Variants in LRP2 observed in about 807,000 individuals in gnomAD.
LRP2 encodes low-density lipoprotein receptor-related protein 2.
Under a neutral mutation model 531.0 loss-of-function variants are expected in LRP2, and 172 were observed. That is an observed-to-expected ratio of 0.32 (90% CI 0.29 to 0.37). The LOEUF is 0.37. Among genes scored for constraint, LRP2 ranks in the 10% least tolerant of loss-of-function variants. The probability of loss-of-function intolerance (pLI) is 1.00; values close to 1 mark genes in which losing one functional copy is unlikely to be tolerated. For missense variants in LRP2, 5,167 were observed against 5,868.3 expected (o/e 0.88, Z 3.90); for synonymous variants, 1,992 against 2,027.6 (o/e 0.98, Z 0.47).
At chr2:169,166,141 G>A (rs1686774867) in intron 61 of LRP2, 87 bp from the exon 62 acceptor site, 1 of 1,430,600 alleles carries the variant, frequency 7.0e-7, no homozygotes, top group Admixed American at 1.7e-5. Flanking sequence ...TCAGCACCAG[G>A]CTTGCTTCAT....
At chr2:169,300,132 A>G (rs1356364702) in intron 4 of LRP2, among the ~76,000 whole-genome samples, 2 of 152,174 alleles carry the variant, frequency 1.3e-5, no homozygotes, top group East Asian at 3.8e-4. Flanking sequence ...CCATACAAAA[A>G]TAATTATTGC....
At chr2:169,229,655 T>C (rs1196100159) in intron 31 of LRP2, among the ~76,000 whole-genome samples, 1 of 152,232 alleles carries the variant, frequency 6.6e-6, no homozygotes, top group African/African-American at 2.4e-5. Context: ...GCACTCATTA[T>C]AACATAAAAT....
Position 169,240,958 on chromosome 2 carries a change from T to C in LRP2, c.4045+30A>G, listed in dbSNP as rs778237253. 8.7e-6 allele frequency: 14 copies of C among 1,606,798 alleles called. No homozygotes were observed. In the East Asian group the frequency reaches 2.2e-4, roughly 26 times the overall value. ...CAGGCTACTGTTCAGAATGAGTTTATGGCCAGTAAACTGTGGTCAGGAAAC... is the reference window on the plus strand; with the variant it reads ...CAGGCTACTGTTCAGAATGAGTTTACGGCCAGTAAACTGTGGTCAGGAAAC... On this transcript the variant is annotated intron_variant, in intron 25 of 78. Coordinates refer to ENST00000649046, the MANE Select transcript of LRP2 (RefSeq NM_004525.3).
At chr2:169,300,783 T>C (rs2105482054) in intron 4 of LRP2, among the ~76,000 whole-genome samples, 1 of 152,200 alleles carries the variant, frequency 6.6e-6, no homozygotes, top group East Asian at 1.9e-4. Flanking sequence ...CTGCTTCTTC[T>C]TTCTGGCTTC....
In LRP2 at chr2:169,150,901, A is replaced by T. The variant is rs1213467764; in HGVS notation, c.12587T>A (p.Leu4196Gln). The change falls in exon 68 of 79, where the codon CTA becomes CAA. Residue 4196 changes from leucine (L) to glutamine (Q), a missense_variant. By Grantham distance (113) the Leu-to-Gln change is moderately radical (BLOSUM62 -2). This residue lies in a region of LRP2 where 564 missense variants were observed against 747.7 expected (regional missense o/e 0.75). Transcript: ENST00000649046. ...QPAAIAVNPK[L>Q]GLMFWTDWGK... ...GAAGACTTCTCCAAGTACTTACCCTAGTTTGGGATTCACAGCAATAGCAGC... is the reference window on the plus strand; with the variant it reads ...GAAGACTTCTCCAAGTACTTACCCTTGTTTGGGATTCACAGCAATAGCAGC... The T allele has an allele frequency of 1.9e-6, 3 of 1,614,056 alleles. No homozygotes were observed. The highest frequency in any genetic ancestry group is 2.5e-6 in the Non-Finnish European group (3 of 1,179,920).
At chr2:169,200,183 A>G (rs549773056) in intron 44 of LRP2, among the ~76,000 whole-genome samples, 22 of 152,326 alleles carry the variant, frequency 1.4e-4, no homozygotes, top group South Asian at 6.2e-4. Context: ...CCCGGGAGGC[A>G]GAGCTTGCAG....
intron 8 of LRP2, 124 bp from the exon 9 acceptor site, chr2:169,289,269 G>C: frequency 7.9e-7 from 1 of 1,270,934 alleles, no homozygotes; most frequent in East Asian, 2.3e-5. Context: ...AGAAAAATCT[G>C]TCACCCTTCA....
At chr2:169,211,829 G>C in intron 37 of LRP2, 139 bp downstream of exon 37, 1 of 1,188,860 alleles carries the variant, frequency 8.4e-7, no homozygotes. Flanking sequence ...AACACTTTAG[G>C]CTGTGCCAGT....
intron 34 of LRP2, among the ~76,000 whole-genome samples, chr2:169,217,301 A>G (rs1166626090): frequency 6.6e-6 from 1 of 152,108 alleles, no homozygotes; most frequent in Non-Finnish European, 1.5e-5. Flanking sequence ...TTCCACCACC[A>G]AATCAATATA....
intron 33 of LRP2, among the ~76,000 whole-genome samples, chr2:169,222,139 C>T (rs1689040724): frequency 6.6e-6 from 1 of 152,150 alleles, no homozygotes; most frequent in African/African-American, 2.4e-5. Flanking sequence ...ACCTGGAAGA[C>T]TTACTTACAA....
Position 169,292,276 on chromosome 2 carries a change from T to C in LRP2, c.746A>G (p.Asp249Gly). 1 of 1,613,400 alleles carries C rather than the reference T, an allele frequency of 6.2e-7. No homozygotes were observed. Among genetic ancestry groups the C allele is most frequent in the Non-Finnish European group, 8.5e-7 (1 of 1,179,310 alleles). ...WVCDGEDDCK[D>G]NGDEDGCESG... Reference sequence around the variant, plus strand: ...ACCACATCCATCTTCATCTCCATTATCTTTACAGTCATCTTCTCCATCACA... The same window carrying C: ...ACCACATCCATCTTCATCTCCATTACCTTTACAGTCATCTTCTCCATCACA... The change falls in exon 7 of 79, where the codon GAT becomes GGT. Residue 249 changes from aspartate to glycine, a missense_variant. Asp to Gly is a moderately conservative substitution (Grantham distance 94, BLOSUM62 -1). Coordinates refer to ENST00000649046, the MANE Select transcript of LRP2 (RefSeq NM_004525.3).
At chr2:169,189,432 A>G (rs1280846116) in intron 48 of LRP2, among the ~76,000 whole-genome samples, 3 of 152,186 alleles carry the variant, frequency 2.0e-5, no homozygotes, top group East Asian at 3.8e-4. Context: ...TATTTAACTC[A>G]TTTCCAAATG....
At position 169,307,196 on chromosome 2, in the gene LRP2, C is replaced by A; in HGVS notation, c.427+85G>T. The A allele has an allele frequency of 3.3e-6, 3 of 903,824 alleles. No individual in the cohort carries two copies. In the Admixed American group the frequency reaches 5.1e-5, roughly 15 times the overall value. The allele number at this position is 903,824 out of a possible 1,614,324, so 56.0% of individuals were successfully genotyped here. A position where few individuals can be genotyped will look rare whatever the true frequency, so the allele number is the denominator to read the frequency against. ...AGAGGCATATTGTAGGCATTTATGT[C>A]CATCAACAAATCTAACAAATTGATT... On this transcript the variant is annotated intron_variant, in intron 4 of 78. Transcript: ENST00000649046.
chr2:169,163,408 A>C (rs1446075437), intron 62 of LRP2, among the ~76,000 whole-genome samples: 5 of 152,232 alleles, frequency 3.3e-5, no homozygotes, highest in African/African-American at 4.8e-5. Context: ...CATCCCAAAC[A>C]GTAAAAGTCT....
At chr2:169,267,270 A>G (rs1004976899) in intron 16 of LRP2, among the ~76,000 whole-genome samples, 4 of 152,296 alleles carry the variant, frequency 2.6e-5, no homozygotes, top group African/African-American at 7.2e-5. Flanking sequence ...CTCTGCTTAC[A>G]TAACTATCCA....
At chr2:169,337,963 C>A (rs764117368) in intron 1 of LRP2, among the ~76,000 whole-genome samples, 6 of 152,036 alleles carry the variant, frequency 3.9e-5, no homozygotes, top group African/African-American at 1.4e-4. Context: ...ACAAATTAAC[C>A]AGGTGTGATG....
intron 16 of LRP2, among the ~76,000 whole-genome samples, chr2:169,259,453 C>T (rs1183989583): frequency 1.3e-5 from 2 of 151,492 alleles, no homozygotes; most frequent in African/African-American, 4.9e-5. Context: ...AGATATGATA[C>T]TGACAAACAG....
In LRP2 at chr2:169,240,992, A is replaced by G; in HGVS notation, c.4041T>C (p.Leu1347=). The G allele has an allele frequency of 6.2e-7, 1 of 1,612,762 alleles. No homozygotes were observed. The highest frequency in any genetic ancestry group is 1.1e-5 in the South Asian group (1 of 91,082). The stretch of plus-strand genomic sequence containing the variant: ...AACTGTGGTCAGGAAACTTACTGCA[A>G]AGTGGGGACTCATCTGTCCCATTGG... ...DCPNGTDESP[L]CNGNSCSDFN... is the part of the protein sequence containing the mutation. Residue 1347 remains leucine (L), a synonymous_variant, in exon 25 of 79, where the codon CTT becomes CTC. Transcript: ENST00000649046.
rs541341939 is a variant in LRP2 at position 169,310,843 on chromosome 2, G to T, written c.311-3446C>A. Among the ~76,000 whole-genome samples, 7 of 152,260 alleles carry T rather than the reference G, an allele frequency of 4.6e-5. No individual in the cohort carries two copies. The East Asian group carries it at 9.7e-4, about 21-fold the overall frequency. On this transcript the variant is annotated intron_variant, in intron 3 of 78. Coordinates refer to ENST00000649046, the MANE Select transcript of LRP2 (RefSeq NM_004525.3). ...ATCAGTCTGGTCCTGGACTTCTTTT[G>T]GTTGGTAGCCTCTTAATTATTGCCT...
Sources: allele counts gnomAD v4.1 joint callset (sites outside exome capture counted in the v4.1 genomes callset), GRCh38; gene constraint gnomAD v4.1.1; regional missense constraint gnomAD v4.1.1; transcripts MANE v1.5; gene names NCBI Gene and HGNC (gene_info 2026-07-23, HGNC 2026-07-21).